The following PPP2R2C variants were observed in gnomAD, a reference collection of about 807,000 sequenced individuals.
PPP2R2C encodes the protein protein phosphatase 2, regulatory subunit B, gamma.
Under a neutral mutation model 45.3 loss-of-function variants are expected in PPP2R2C, and 10 were observed. That is an observed-to-expected ratio of 0.22 (90% CI 0.14 to 0.37). The LOEUF is 0.37. PPP2R2C is among the 10% of genes least tolerant of loss of function. The pLI is 1.00. For missense variants in PPP2R2C, 308 were observed against 619.7 expected, an observed-to-expected ratio of 0.50 and a Z score of 5.34; for synonymous variants, 257 against 245.4, an observed-to-expected ratio of 1.05 and a Z score of -0.44.
At chr4:6,431,813 T>C (rs1383292298) in intron 1 of PPP2R2C, among the ~76,000 whole-genome samples, 2 of 152,082 alleles carry the variant, frequency 1.3e-5, no homozygotes, top group Non-Finnish European at 2.9e-5. Flanking sequence ...GTGGACTTAG[T>C]CATTTGGGGC....
At chr4:6,382,125 T>G in intron 1 of PPP2R2C, 2 of 1,272,346 alleles carry the variant, frequency 1.6e-6, no homozygotes, top group Non-Finnish European at 2.0e-6. Flanking sequence ...TCTTAATATT[T>G]GAAAAGTAGA....
In PPP2R2C at chr4:6,557,386, A is replaced by G. The variant is rs1375960219; in HGVS notation, c.-59+6174T>C. On this transcript the variant is annotated intron_variant, in intron 1 of 9. Coordinates refer to the PPP2R2C transcript ENST00000506140. ...ATGCTGGGTGCAAGGTCAGCAAAAA[A>G]AAAAGAAAGAAAGAAAGAAAAGAAA... Among the ~76,000 whole-genome samples the G allele has an allele frequency of 2.0e-5, 3 of 152,160 alleles. No homozygotes were observed. In the East Asian group the frequency reaches 5.8e-4, roughly 29 times the overall value.
chr4:6,526,568 G>A (rs553410177), intron 2 of PPP2R2C, among the ~76,000 whole-genome samples: 67 of 152,338 alleles, frequency 4.4e-4, no homozygotes, highest in African/African-American at 1.6e-3. Context: ...GGGGGTGGTC[G>A]TGAACGCTCC....
chr4:6,482,079 C>T (rs569958621), intron 2 of PPP2R2C, among the ~76,000 whole-genome samples: 31 of 151,700 alleles, frequency 2.0e-4, no homozygotes, highest in Non-Finnish European at 3.8e-4. Context: ...AAATAGACAC[C>T]TTTCTGATAT....
At chr4:6,442,059 A>T (rs910141027) in intron 1 of PPP2R2C, among the ~76,000 whole-genome samples, 1 of 152,226 alleles carries the variant, frequency 6.6e-6, no homozygotes, top group Non-Finnish European at 1.5e-5. Context: ...GAAGGCAGCC[A>T]GCAGAGAGGA....
chr4:6,391,280 C>T (rs1294035429), intron 1 of PPP2R2C, among the ~76,000 whole-genome samples: 1 of 152,122 alleles, frequency 6.6e-6, no homozygotes, highest in Admixed American at 6.5e-5. Context: ...TGACCCTGGG[C>T]AAGCCACCTC....
At chr4:6,350,357 C>A (rs764731991) in intron 5 of PPP2R2C, 1 of 985,444 alleles carries the variant, frequency 1.0e-6, no homozygotes, top group Non-Finnish European at 1.2e-6. Flanking sequence ...AGAAAAAGTG[C>A]GGCCACTGAT....
chr4:6,457,207 CAA>C (rs34145628), intron 1 of PPP2R2C, among the ~76,000 whole-genome samples: 908 of 88,770 alleles, frequency 0.01, 5 homozygotes, highest in African/African-American at 0.028. Flanking sequence ...GACTCCATCT[CAA>C]AAAAAAAAAA....
intron 1 of PPP2R2C, among the ~76,000 whole-genome samples, chr4:6,460,930 T>A (rs183492907): frequency 7.3e-4 from 111 of 152,130 alleles, no homozygotes; most frequent in African/African-American, 2.5e-3. Flanking sequence ...CCACTTCCCA[T>A]CCCGCTCCAG....
chr4:6,542,469 G>A (rs1418004884), intron 1 of PPP2R2C, among the ~76,000 whole-genome samples: 1 of 152,136 alleles, frequency 6.6e-6, no homozygotes. Flanking sequence ...CAAAGTGGGC[G>A]AATCACCTGA....
chr4:6,373,039 G>A (rs756156689), intron 4 of PPP2R2C, among the ~76,000 whole-genome samples: 1 of 152,250 alleles, frequency 6.6e-6, no homozygotes, highest in Non-Finnish European at 1.5e-5. Flanking sequence ...GCAATGCAGT[G>A]CTGTCACTGG....
rs888932746 is a variant in PPP2R2C, at chr4:6,349,664, C to T, written c.626-1654G>A. The T allele has an allele frequency of 9.4e-6, 8 of 851,380 alleles. No homozygotes were observed. In the South Asian group the frequency reaches 3.2e-4, roughly 34 times the overall value. 52.7% of individuals were successfully genotyped at this position (851,380 alleles called of 1,614,324 possible). ...GACCATTCTGGCCAACACAGTAAAACCCCGTCTCTACTAAAATACAAAAAG... is the reference window on the plus strand; with the variant it reads ...GACCATTCTGGCCAACACAGTAAAATCCCGTCTCTACTAAAATACAAAAAG... On this transcript the variant is annotated intron_variant, in intron 5 of 8. Coordinates refer to ENST00000382599, the MANE Select transcript of PPP2R2C (RefSeq NM_020416.4).
Position 6,381,001 on chromosome 4 carries a change from G to A in PPP2R2C, c.164C>T (p.Pro55Leu). The change falls in exon 2 of 9, where the codon CCA becomes CTA. Residue 55 changes from proline to leucine, a missense_variant. Coordinates refer to ENST00000382599, the MANE Select transcript of PPP2R2C (RefSeq NM_020416.4). ...GGRVVIFQRE[P>L]ESKNAPHSQG... ...ACCAGACCCAGGGCTTCGCACCTCT[G>A]GTTCCCGCTGGAAGATGACGACCCG... The A allele has an allele frequency of 6.5e-7, 1 of 1,534,726 alleles. No individual in the cohort carries two copies. The highest frequency in any genetic ancestry group is 2.3e-5 in the East Asian group (1 of 43,550).
chr4:6,388,515 T>C (rs1357321884), intron 1 of PPP2R2C, among the ~76,000 whole-genome samples: 1 of 152,092 alleles, frequency 6.6e-6, no homozygotes, highest in African/African-American at 2.4e-5. Flanking sequence ...AGGACTGGTA[T>C]CCTGATAAGA....
At chr4:6,548,957 C>T (rs1029020523) in intron 1 of PPP2R2C, among the ~76,000 whole-genome samples, 4 of 152,234 alleles carry the variant, frequency 2.6e-5, no homozygotes, top group African/African-American at 7.2e-5. Flanking sequence ...TCCCTCTTAG[C>T]AGTACTGTCA....
chr4:6,337,725 C>T (rs892149339), intron 6 of PPP2R2C, among the ~76,000 whole-genome samples: 8 of 152,114 alleles, frequency 5.3e-5, no homozygotes, highest in African/African-American at 1.2e-4. Flanking sequence ...CAGGAAAAAC[C>T]GCAAAGATCA....
chr4:6,397,343 G>T (rs1034272084), intron 1 of PPP2R2C, among the ~76,000 whole-genome samples: 1 of 152,244 alleles, frequency 6.6e-6, no homozygotes, highest in South Asian at 2.1e-4. Flanking sequence ...CCAGGGGGAG[G>T]CCTCAGCCTC....
chr4:6,436,588 A>G (rs1295464373), intron 1 of PPP2R2C, among the ~76,000 whole-genome samples: 2 of 152,262 alleles, frequency 1.3e-5, no homozygotes, highest in Non-Finnish European at 2.9e-5. Flanking sequence ...GCCAGGCGTC[A>G]AACCCTGGTC....
At position 6,349,894 on chromosome 4, in the gene PPP2R2C, AAAGC is replaced by A. The variant is rs916989928; in HGVS notation, c.626-1888_626-1885del. 1.3e-4 allele frequency: 128 copies of A among 985,334 alleles called. 1 individual carries two copies. In the African/African-American group the frequency reaches 2.2e-3, roughly 17 times the overall value. The allele number at this position is 985,334 out of a possible 1,614,324, so 61.0% of individuals were successfully genotyped here. ...GACAGGGCAAGACTCTGTCAAAAAA[AAAGC>A]AAGCAAGCAGTATTTTCTGACCTCT... On this transcript the variant is annotated intron_variant, in intron 5 of 8. Transcript: ENST00000382599.
Sources: allele counts gnomAD v4.1 joint callset (sites outside exome capture counted in the v4.1 genomes callset), GRCh38; gene constraint gnomAD v4.1.1; transcripts MANE v1.5; gene names NCBI Gene and HGNC (gene_info 2026-07-23, HGNC 2026-07-21).